HSPA1L: variants seen among roughly 807,000 people sequenced by gnomAD.
HSPA1L encodes heat shock 70 kDa protein 1-like.
Under a neutral mutation model 31.5 loss-of-function variants are expected in HSPA1L, and 21 were observed. The observed-to-expected ratio is 0.67, with a 90% CI of 0.47 to 0.96. The LOEUF is 0.96. HSPA1L is among the 40% of genes least tolerant of loss of function. The pLI is 0.00. For synonymous variants in HSPA1L, 293 were observed against 323.1 expected (o/e 0.91, Z 1.00); for missense variants, 709 against 813.4 (o/e 0.87, Z 1.56).
chr6:31,810,323 G>T lies in HSPA1L; in HGVS notation c.1650C>A (p.Asn550Lys). 6.3e-7 allele frequency: 1 copy of T among 1,591,790 alleles called. No homozygotes were observed. The highest frequency in any genetic ancestry group is 8.5e-7 in the Non-Finnish European group (1 of 1,170,672). The change falls in exon 2 of 2, where the codon AAC becomes AAA. Residue 550 changes from asparagine (N) to lysine (K), a missense_variant. Asn to Lys is a moderately conservative substitution (Grantham distance 94, BLOSUM62 0). Transcript: ENST00000375654. ...CTTCATCACTCACAACACTCTTCATGTTAAAAGCATAGGATTCTAAGGCAT... is the reference window on the plus strand; with the variant it reads ...CTTCATCACTCACAACACTCTTCATTTTAAAAGCATAGGATTCTAAGGCAT... ...AKNALESYAF[N>K]MKSVVSDEGL...
At position 31,814,982 on chromosome 6, in the gene HSPA1L, A is replaced by C. The variant is rs1815781171; in HGVS notation, c.-107T>G. 44 of 957,750 alleles carry C rather than the reference A, an allele frequency of 4.6e-5. No individual in the cohort carries two copies. Among genetic ancestry groups the C allele is most frequent in the South Asian group, 1.5e-4 (3 of 20,620 alleles). The allele number at this position is 957,750 out of a possible 1,614,324, so 59.3% of individuals were successfully genotyped here. A position where few individuals can be genotyped will look rare whatever the true frequency, so the allele number is the denominator to read the frequency against. On this transcript the variant is annotated 5_prime_UTR_variant, in exon 1 of 2. Transcript: ENST00000375654. Reference sequence around the variant, plus strand: ...GGCTCCCTCAATATCAAACTGCACAACCGGGGTCCCCCCACCCCCCACCCC... The same window carrying C: ...GGCTCCCTCAATATCAAACTGCACACCCGGGGTCCCCCCACCCCCCACCCC...
At position 31,809,951 on chromosome 6, in the gene HSPA1L, A is replaced by T; in HGVS notation, c.*96T>A. On this transcript the variant is annotated 3_prime_UTR_variant, in exon 2 of 2. Coordinates refer to ENST00000375654, the MANE Select transcript of HSPA1L (RefSeq NM_005527.4). ...CAGAATTTCCAAGGGATGGTAACTT[A>T]GATTCAGGTCTGGTCAAGAATAATA... 9.3e-7 allele frequency: 1 copy of T among 1,070,872 alleles called. No homozygotes were observed. The highest frequency in any genetic ancestry group is 1.3e-6 in the Non-Finnish European group (1 of 799,658). 66.3% of individuals were successfully genotyped at this position (1,070,872 alleles called of 1,614,324 possible).
At position 31,811,139 on chromosome 6, in the gene HSPA1L, G is replaced by A. The variant is rs778356089; in HGVS notation, c.834C>T (p.Ser278=). 3 of 1,614,224 alleles carry A rather than the reference G, an allele frequency of 1.9e-6. No individual in the cohort carries two copies. Among genetic ancestry groups the A allele is most frequent in the East Asian group, 4.5e-5 (2 of 44,886 alleles). The change falls in exon 2 of 2, where the codon TCC becomes TCT. Residue 278 remains serine (S), a synonymous_variant. Transcript: ENST00000375654. ...CAATTTCTAGGTTGGCCTGGGTGCTGGACGACAGGGTCCTCTTGGCCCTCT... is the reference window on the plus strand; with the variant it reads ...CAATTTCTAGGTTGGCCTGGGTGCTAGACGACAGGGTCCTCTTGGCCCTCT... The part of the protein sequence containing the change: ...ACERAKRTLS[S]STQANLEIDS...
rs774168279 is a variant in HSPA1L at position 31,811,675 on chromosome 6, C to T, written c.298G>A (p.Gly100Arg). The change falls in exon 2 of 2, where the codon GGA becomes AGA. Residue 100 changes from glycine to arginine, a missense_variant. Transcript: ENST00000375654. ...GACACAAGGACTTTGGGCTTGCCTC[C>T]TTCATTAATCACTTGAAAAGGCCAA... ...KLWPFQVINE[G>R]GKPKVLVSYK... is the part of the protein sequence containing the mutation. 6.2e-7 allele frequency: 1 copy of T among 1,614,188 alleles called. No individual in the cohort carries two copies. The highest frequency in any genetic ancestry group is 8.5e-7 in the Non-Finnish European group (1 of 1,180,040).
rs748331299 is a variant in HSPA1L, at chr6:31,810,242, G to A, written c.1731C>T (p.Asn577=). The change falls in exon 2 of 2, where the codon AAC becomes AAT. Residue 577 remains asparagine, a synonymous_variant. Coordinates refer to ENST00000375654, the MANE Select transcript of HSPA1L (RefSeq NM_005527.4). Reference sequence around the variant, plus strand: ...TGACCTCCAGCCACGAAAGGAGCTCGTTGCATTTATCCAATATTTTATTTT... The same window carrying A: ...TGACCTCCAGCCACGAAAGGAGCTCATTGCATTTATCCAATATTTTATTTT... ...SDKNKILDKC[N]ELLSWLEVNQ... 3.9e-6 allele frequency: 6 copies of A among 1,525,048 alleles called. No individual in the cohort carries two copies. The South Asian group carries it at 4.0e-5, about 10-fold the overall frequency. 94.5% of individuals were successfully genotyped at this position (1,525,048 alleles called of 1,614,324 possible).
In HSPA1L at chr6:31,815,134, C is replaced by T; in HGVS notation, c.-259G>A. On this transcript the variant is annotated 5_prime_UTR_variant, in exon 1 of 2. Transcript: ENST00000375654. ...TGTCAACACAAACGCCCCCACCCTC[C>T]CCTGGACGCGCGTAACCCGCTCCCC... The T allele has an allele frequency of 1.7e-5, 9 of 541,916 alleles. No homozygotes were observed. The highest frequency in any genetic ancestry group is 2.2e-5 in the Non-Finnish European group (9 of 416,156). The allele number at this position is 541,916 out of a possible 1,614,324, so 33.6% of individuals were successfully genotyped here.
chr6:31,810,362 T>C lies in HSPA1L; in HGVS notation c.1611A>G (p.Lys537=), dbSNP rs761359084. The change falls in exon 2 of 2, where the codon AAA becomes AAG. Residue 537 remains lysine (K), a synonymous_variant. Coordinates refer to ENST00000375654, the MANE Select transcript of HSPA1L (RefSeq NM_005527.4). ...YKAEDEVQRE[K]IAAKNALESY... Reference sequence around the variant, plus strand: ...ATTCTAAGGCATTCTTTGCAGCAATTTTCTCCCTCTGGACCTCATCTTCAG... The same window carrying C: ...ATTCTAAGGCATTCTTTGCAGCAATCTTCTCCCTCTGGACCTCATCTTCAG... 2 of 1,607,168 alleles carry C rather than the reference T, an allele frequency of 1.2e-6. No homozygotes were observed. Among genetic ancestry groups the C allele is most frequent in the Non-Finnish European group, 1.7e-6 (2 of 1,177,154 alleles).
At chr6:31,812,201 C>T (rs984487977) in intron 1 of HSPA1L, among the ~76,000 whole-genome samples, 12 of 149,092 alleles carry the variant, frequency 8.0e-5, no homozygotes, top group Admixed American at 1.3e-4. Context: ...TTTTTTGAGA[C>T]GGAGTCTTGC....
rs1815362432 is a variant in HSPA1L, at chr6:31,810,894, T to A, written c.1079A>T (p.Asp360Val). 1.7e-5 allele frequency: 27 copies of A among 1,614,176 alleles called. No individual in the cohort carries two copies. The highest frequency in any genetic ancestry group is 2.3e-5 in the Non-Finnish European group (27 of 1,180,034). Reference sequence around the variant, plus strand: ...ATCAGGGTTGATGCTCTTGTTGAGATCACGTCCATTGAAGTAGTCCTGAAG... The same window carrying A: ...ATCAGGGTTGATGCTCTTGTTGAGAACACGTCCATTGAAGTAGTCCTGAAG... The part of the protein sequence containing the change: ...RLLQDYFNGR[D>V]LNKSINPDEA... The change falls in exon 2 of 2, where the codon GAT (aspartate) becomes GTT (valine). Residue 360 changes from aspartate (D) to valine (V), a missense_variant. By Grantham distance (152) the Asp-to-Val change is radical (BLOSUM62 -3). Coordinates refer to ENST00000375654, the MANE Select transcript of HSPA1L (RefSeq NM_005527.4).
intron 1 of HSPA1L, among the ~76,000 whole-genome samples, chr6:31,814,639 T>G (rs987947130): frequency 9.6e-5 from 1 of 10,364 alleles, no homozygotes; most frequent in Non-Finnish European, 2.1e-4. Flanking sequence ...CGCCTCCCCC[T>G]TACCCCGCCT....
intron 1 of HSPA1L, among the ~76,000 whole-genome samples, chr6:31,812,845 A>T (rs1246872801): frequency 6.6e-6 from 1 of 151,922 alleles, no homozygotes; most frequent in Non-Finnish European, 1.5e-5. Flanking sequence ...TTTTAGAGAC[A>T]GGGTCTCGTT....
Position 31,810,882 on chromosome 6 carries a change from C to G in HSPA1L, c.1091G>C (p.Ser364Thr). 6.2e-7 allele frequency: 1 copy of G among 1,614,176 alleles called. No homozygotes were observed. The highest frequency in any genetic ancestry group is 8.5e-7 in the Non-Finnish European group (1 of 1,180,026). Residue 364 changes from serine (S) to threonine (T), a missense_variant, in exon 2 of 2, where the codon AGC (serine) becomes ACC (threonine). By Grantham distance (58) the Ser-to-Thr change is moderately conservative. Coordinates refer to ENST00000375654, the MANE Select transcript of HSPA1L (RefSeq NM_005527.4). ...TGCTACGGCCTCATCAGGGTTGATG[C>G]TCTTGTTGAGATCACGTCCATTGAA... ...DYFNGRDLNK[S>T]INPDEAVAYG...
In HSPA1L at chr6:31,811,068, G is replaced by C. The variant is rs765356075; in HGVS notation, c.905C>G (p.Ala302Gly). Residue 302 changes from alanine (A) to glycine (G), a missense_variant, in exon 2 of 2, where the codon GCT (alanine) becomes GGT (glycine). Physicochemically the swap from Ala to Gly is moderately conservative, Grantham distance 60 (BLOSUM62 0). Transcript: ENST00000375654. ...GTCTGCACACAACTCTTCAAATCGA[G>C]CTCTGGTGATGGATGTATAGAAGTC... ...GIDFYTSITR[A>G]RFEELCADLF... The C allele has an allele frequency of 1.2e-6, 2 of 1,614,092 alleles. No individual in the cohort carries two copies. Among genetic ancestry groups the C allele is most frequent in the African/African-American group, 2.7e-5 (2 of 74,922 alleles).
chr6:31,812,177 G>A (rs1196519527), intron 1 of HSPA1L, among the ~76,000 whole-genome samples, 192 bp from the exon 2 acceptor site: 5 of 149,458 alleles, frequency 3.3e-5, no homozygotes, highest in Admixed American at 6.8e-5. Flanking sequence ...CAACATGCCC[G>A]GCTAATTTTT....
At chr6:31,812,817 C>A (rs481825) in intron 1 of HSPA1L, among the ~76,000 whole-genome samples, 15,290 of 151,958 alleles carry the variant, frequency 0.1, 1,380 homozygotes, top group African/African-American at 0.24. Flanking sequence ...CTGGTAACAA[C>A]CATTTTTTTT....
At position 31,811,000 on chromosome 6, in the gene HSPA1L, C is replaced by T. The variant is rs750047577; in HGVS notation, c.973G>A (p.Asp325Asn). 2 of 1,614,196 alleles carry T rather than the reference C, an allele frequency of 1.2e-6. No individual in the cohort carries two copies. The highest frequency in any genetic ancestry group is 3.3e-5 in the Admixed American group (2 of 60,014). The change falls in exon 2 of 2, where the codon GAT becomes AAT. Residue 325 changes from aspartate to asparagine, a missense_variant. Physicochemically the swap from Asp to Asn is conservative, Grantham distance 23. Transcript: ENST00000375654. ...ATTTTAGCCTTATCCATCTTGGCATCCCGAAGCGCTTTTTCTACAGGCTCC... is the reference window on the plus strand; with the variant it reads ...ATTTTAGCCTTATCCATCTTGGCATTCCGAAGCGCTTTTTCTACAGGCTCC... ...TLEPVEKALR[D>N]AKMDKAKIHD... is the part of the protein sequence containing the mutation.
At chr6:31,814,635 C>T (rs1489142660) in intron 1 of HSPA1L, among the ~76,000 whole-genome samples, 5 of 144,384 alleles carry the variant, frequency 3.5e-5, no homozygotes, top group Non-Finnish European at 3.0e-5. Context: ...ACCCCGCCTC[C>T]CCCTTACCCC....
chr6:31,813,529 T>C (rs1815585909), intron 1 of HSPA1L, among the ~76,000 whole-genome samples: 1 of 152,120 alleles, frequency 6.6e-6, no homozygotes, highest in Non-Finnish European at 1.5e-5. Flanking sequence ...GGTCTCAAAC[T>C]CCTAACCTTA....
chr6:31,815,198 GC>G lies in HSPA1L; in HGVS notation c.-324del, dbSNP rs1222475732. The G allele has an allele frequency of 9.1e-6, 2 of 220,136 alleles. No homozygotes were observed. Among genetic ancestry groups the G allele is most frequent in the Non-Finnish European group, 1.7e-5 (2 of 116,404 alleles). 13.6% of individuals were successfully genotyped at this position (220,136 alleles called of 1,614,324 possible). A position where few individuals can be genotyped will look rare whatever the true frequency, so the allele number is the denominator to read the frequency against. On this transcript the variant is annotated 5_prime_UTR_variant, in exon 1 of 2. Coordinates refer to ENST00000375654, the MANE Select transcript of HSPA1L (RefSeq NM_005527.4). The stretch of plus-strand genomic sequence containing the variant: ...GCCCACAACTGCGCAGGCCCAGCAA[GC>G]CCCCACAATTAAAAGCCCAGCGCCG...
Sources: gnomAD v4.1 joint callset for allele counts (sites outside exome capture counted in the v4.1 genomes callset) on GRCh38, gnomAD v4.1.1 for gene constraint, MANE v1.5 for transcripts, NCBI Gene and HGNC (gene_info 2026-07-23, HGNC 2026-07-21) for gene names.